Variants in MIS18A observed in about 807,000 individuals in gnomAD.
The protein encoded by MIS18A is MIS18 kinetochore protein A, also known as protein Mis18-alpha.
Under a neutral mutation model 25.0 loss-of-function variants are expected in MIS18A, and 14 were observed. That is an observed-to-expected ratio of 0.56 (90% CI 0.37 to 0.88). The LOEUF is 0.88. MIS18A is among the 40% of genes least tolerant of loss of function. MIS18A has a pLI of 0.00. For missense variants in MIS18A, 292 were observed against 290.8 expected (o/e 1.00, Z -0.03); for synonymous variants, 134 against 118.6 (o/e 1.13, Z -0.84).
the MIS18A span, among the ~76,000 whole-genome samples, chr21:32,200,713 C>T: frequency 6.6e-6 from 1 of 152,156 alleles, no homozygotes; most frequent in African/African-American, 2.4e-5. Flanking sequence ...GCTTGGATTA[C>T]AGGCGTGAGC....
the MIS18A span, among the ~76,000 whole-genome samples, chr21:32,244,863 C>A: frequency 6.6e-6 from 1 of 152,074 alleles, no homozygotes; most frequent in South Asian, 2.1e-4. Context: ...ATAAAGCAAC[C>A]ATATTTTAAA....
At chr21:32,155,482 T>C in the MIS18A span, among the ~76,000 whole-genome samples, 50 of 152,250 alleles carry the variant, frequency 3.3e-4, 1 homozygote, top group Non-Finnish European at 5.4e-4. Context: ...ATGATTTTGG[T>C]TTGCTTGGAA....
At chr21:32,230,386 G>A in the MIS18A span, among the ~76,000 whole-genome samples, 1 of 152,156 alleles carries the variant, frequency 6.6e-6, no homozygotes, top group African/African-American at 2.4e-5. Context: ...GAGCATTTTT[G>A]GAAATTATAC....
chr21:32,191,576 C>T, the MIS18A span, among the ~76,000 whole-genome samples: 2 of 151,964 alleles, frequency 1.3e-5, no homozygotes, highest in African/African-American at 2.4e-5. Flanking sequence ...AGAGCAAGAC[C>T]CTTTCCCTTA....
chr21:32,231,985 A>G, the MIS18A span, among the ~76,000 whole-genome samples: 1 of 152,192 alleles, frequency 6.6e-6, no homozygotes, highest in Admixed American at 6.5e-5. Context: ...TATATTCCCA[A>G]AGGAAATGAA....
At chr21:32,192,471 G>A in the MIS18A span, among the ~76,000 whole-genome samples, 2 of 152,126 alleles carry the variant, frequency 1.3e-5, no homozygotes, top group African/African-American at 2.4e-5. Context: ...AATTCTGCTG[G>A]GGAGCCCAGG....
the MIS18A span, among the ~76,000 whole-genome samples, chr21:32,157,958 T>C: frequency 6.6e-6 from 1 of 152,198 alleles, no homozygotes; most frequent in Non-Finnish European, 1.5e-5. Flanking sequence ...GAGATTAAAT[T>C]TACCAAATTA....
the MIS18A span, among the ~76,000 whole-genome samples, chr21:32,174,725 A>G: frequency 1.3e-5 from 2 of 152,228 alleles, no homozygotes; most frequent in Non-Finnish European, 2.9e-5. Context: ...AAGCAGAAAA[A>G]TGACAGTAAG....
the MIS18A span, among the ~76,000 whole-genome samples, chr21:32,203,613 C>CTTTTTTTTTTTTT: frequency 1.2e-4 from 10 of 85,378 alleles, no homozygotes; most frequent in Admixed American, 1.6e-4. Context: ...TTTTTAAATG[C>CTTTTTTTTTTTTT]TTTTTTTTTT....
the MIS18A span, among the ~76,000 whole-genome samples, chr21:32,229,294 G>A: frequency 6.6e-6 from 1 of 152,320 alleles, no homozygotes; most frequent in Admixed American, 6.5e-5. Context: ...CTAAAGTTCA[G>A]TTAGATGGTC....
At chr21:32,215,481 C>T in the MIS18A span, among the ~76,000 whole-genome samples, 5 of 152,192 alleles carry the variant, frequency 3.3e-5, no homozygotes, top group African/African-American at 9.6e-5. Flanking sequence ...GGGGTAGGAA[C>T]GCGAGGTAAG....
chr21:32,210,447 G>A, the MIS18A span, among the ~76,000 whole-genome samples: 2 of 152,172 alleles, frequency 1.3e-5, no homozygotes, highest in African/African-American at 4.8e-5. Flanking sequence ...CATTTGTGCT[G>A]ATTTTGTGAG....
the MIS18A span, among the ~76,000 whole-genome samples, chr21:32,238,927 G>A: frequency 1.2e-4 from 19 of 152,108 alleles, no homozygotes; most frequent in Middle Eastern, 6.3e-3. Context: ...CAACCTCACA[G>A]TGTGAGGATT....
chr21:32,224,442 A>G, the MIS18A span, among the ~76,000 whole-genome samples: 1 of 151,368 alleles, frequency 6.6e-6, no homozygotes, highest in African/African-American at 2.4e-5. Context: ...TCAGGATACA[A>G]AATCAATGTA....
the MIS18A span, among the ~76,000 whole-genome samples, chr21:32,252,293 G>C: frequency 8.3e-5 from 12 of 144,570 alleles, no homozygotes; most frequent in Non-Finnish European, 1.7e-4. Context: ...AGAGAGAAGA[G>C]GAGGAGGAAA....
chr21:32,276,667 A>T (rs2031816970), intron 1 of MIS18A, among the ~76,000 whole-genome samples: 1 of 152,048 alleles, frequency 6.6e-6, no homozygotes, highest in South Asian at 2.1e-4. Context: ...GCTGTAACTC[A>T]CATCTGTACT....
the MIS18A span, among the ~76,000 whole-genome samples, chr21:32,235,583 A>G: frequency 6.6e-6 from 1 of 152,234 alleles, no homozygotes; most frequent in Non-Finnish European, 1.5e-5. Context: ...TGACATCTCT[A>G]CTAGGAAAAA....
At chr21:32,178,720 C>G in the MIS18A span, among the ~76,000 whole-genome samples, 1 of 152,258 alleles carries the variant, frequency 6.6e-6, no homozygotes, top group African/African-American at 2.4e-5. Flanking sequence ...ATACATTGAG[C>G]TTGTTGAGTC....
chr21:32,174,362 A>T, the MIS18A span, among the ~76,000 whole-genome samples: 2 of 152,176 alleles, frequency 1.3e-5, no homozygotes, highest in Non-Finnish European at 2.9e-5. Flanking sequence ...AATGAAAAAT[A>T]TATACTATGC....
Sources: allele counts gnomAD v4.1 joint callset (sites outside exome capture counted in the v4.1 genomes callset), GRCh38; gene constraint gnomAD v4.1.1; transcripts MANE v1.5; gene names NCBI Gene and HGNC (gene_info 2026-07-23, HGNC 2026-07-21).